PSMD1: variants seen among roughly 807,000 people sequenced by gnomAD.
PSMD1 encodes proteasome 26S subunit, non-ATPase 1.
In PSMD1, 18 loss-of-function variants were observed where a neutral mutation model predicts 119.0. The observed-to-expected ratio is 0.15, with a 90% CI of 0.10 to 0.22. The LOEUF is 0.22. Ranked by LOEUF, PSMD1 falls within the 10% of genes least tolerant of loss-of-function variation. The pLI is 1.00. For synonymous variants in PSMD1, 374 were observed against 396.6 expected (o/e 0.94, Z 0.68); for missense variants, 702 against 1,158.5 (o/e 0.61, Z 5.72).
chr2:231,065,076 C>A (rs775495119), intron 4 of PSMD1, among the ~76,000 whole-genome samples: 10 of 147,886 alleles, frequency 6.8e-5, no homozygotes, highest in Non-Finnish European at 1.2e-4. Flanking sequence ...CCCATTTAAC[C>A]CGGGTCATCT....
In PSMD1 at chr2:231,135,472, A is replaced by G. The variant is rs538585376; in HGVS notation, c.1884-3264A>G. On this transcript the variant is annotated intron_variant, in intron 16 of 24. Transcript: ENST00000308696. ...GAACATTGTCTAAATTGGCCCAACT[A>G]TTTAGAGACAAAACAGGAACTAGAA... Among the ~76,000 whole-genome samples, 3 of 152,302 alleles carry G rather than the reference A, an allele frequency of 2.0e-5. No homozygotes were observed. The East Asian group carries it at 5.8e-4, about 29-fold the overall frequency.
At chr2:231,159,501 T>TA (rs1696584429) in intron 19 of PSMD1, among the ~76,000 whole-genome samples, 1 of 152,348 alleles carries the variant, frequency 6.6e-6, no homozygotes, top group East Asian at 1.9e-4. Flanking sequence ...ACACCCCCAG[T>TA]AACAAGCTCC....
rs369553594 is a variant in PSMD1 at position 231,133,182 on chromosome 2, A to G, written c.1884-5554A>G. 5.3e-5 allele frequency among the ~76,000 whole-genome samples: 8 copies of G among 152,200 alleles called. No individual in the cohort carries two copies. The East Asian group carries it at 1.5e-3, about 29-fold the overall frequency. On this transcript the variant is annotated intron_variant, in intron 16 of 24. Coordinates refer to ENST00000308696, the MANE Select transcript of PSMD1 (RefSeq NM_002807.4). ...GACAGATATATTCTTTTTTTGAGAC[A>G]GTGTCTCACTCTGTCGCCCAGCCTC...
intron 16 of PSMD1, among the ~76,000 whole-genome samples, chr2:231,127,653 G>A (rs964621361): frequency 2.0e-5 from 3 of 152,178 alleles, no homozygotes; most frequent in East Asian, 1.9e-4. Flanking sequence ...CGCACCCCAC[G>A]CCCTTTGACA....
intron 16 of PSMD1, chr2:231,108,551 C>T: frequency 6.2e-7 from 1 of 1,613,888 alleles, no homozygotes; most frequent in East Asian, 2.2e-5. Flanking sequence ...AGTTTTGTCA[C>T]CTTCATTTTC....
At chr2:231,163,548 T>G (rs534042543) in intron 20 of PSMD1, 87 bp from the exon 21 acceptor site, 232 of 899,446 alleles carry the variant, frequency 2.6e-4, no homozygotes, top group Non-Finnish European at 3.7e-4. Flanking sequence ...CAGCCTGCAT[T>G]AAAACTTTGG....
intron 16 of PSMD1, among the ~76,000 whole-genome samples, chr2:231,106,406 G>A (rs948950846): frequency 3.9e-5 from 6 of 152,106 alleles, no homozygotes; most frequent in South Asian, 2.1e-4. Flanking sequence ...ATAGCTTGGG[G>A]CCAGGAGTGG....
Position 231,056,894 on chromosome 2 carries a change from T to A in PSMD1, c.-132T>A, listed in dbSNP as rs999029237. The A allele has an allele frequency of 6.3e-6, 8 of 1,268,038 alleles. No individual in the cohort carries two copies. Among genetic ancestry groups the A allele is most frequent in the Non-Finnish European group, 7.7e-6 (7 of 912,438 alleles). 78.5% of individuals were successfully genotyped at this position (1,268,038 alleles called of 1,614,324 possible). A position where few individuals can be genotyped will look rare whatever the true frequency, so the allele number is the denominator to read the frequency against. On this transcript the variant is annotated 5_prime_UTR_variant, in exon 1 of 25. Transcript: ENST00000308696. ...CCTGGCGAGAAGCGAGCCGGCGGCC[T>A]GAGGAGGCGACTGACTGAGCAGCGC...
chr2:231,157,506 A>G (rs997759272), intron 19 of PSMD1, among the ~76,000 whole-genome samples: 2 of 148,698 alleles, frequency 1.3e-5, no homozygotes, highest in Admixed American at 1.3e-4. Flanking sequence ...GGACCAATCA[A>G]GTTTTGGTGC....
At chr2:231,137,516 C>T (rs773153390) in intron 16 of PSMD1, among the ~76,000 whole-genome samples, 1 of 152,024 alleles carries the variant, frequency 6.6e-6, no homozygotes, top group African/African-American at 2.4e-5. Flanking sequence ...AGGAAAGAGC[C>T]TAGTTTCTTT....
chr2:231,168,103 G>A (rs1423685528), intron 23 of PSMD1, among the ~76,000 whole-genome samples: 2 of 152,092 alleles, frequency 1.3e-5, no homozygotes, highest in Non-Finnish European at 2.9e-5. Flanking sequence ...AATTTAAAAA[G>A]AAACACAAAA....
intron 16 of PSMD1, among the ~76,000 whole-genome samples, chr2:231,100,281 A>G (rs949864453): frequency 6.6e-6 from 1 of 152,050 alleles, no homozygotes; most frequent in South Asian, 2.1e-4. Flanking sequence ...AGATGGTGCA[A>G]TGGTGAACAC....
intron 17 of PSMD1, among the ~76,000 whole-genome samples, chr2:231,145,551 A>T (rs986363832): frequency 3.9e-5 from 6 of 152,040 alleles, no homozygotes; most frequent in Non-Finnish European, 8.8e-5. Context: ...TTTTTAATAA[A>T]TTTTTAATTA....
At chr2:231,116,210 G>A (rs1353569489) in intron 16 of PSMD1, among the ~76,000 whole-genome samples, 1 of 152,140 alleles carries the variant, frequency 6.6e-6, no homozygotes, top group African/African-American at 2.4e-5. Context: ...AACAGTCTAA[G>A]TATAGTGAAA....
At position 231,170,319 on chromosome 2, in the gene PSMD1, T is replaced by G. The variant is rs1696885628; in HGVS notation, c.2716-247T>G. On this transcript the variant is annotated intron_variant, in intron 23 of 24. Transcript: ENST00000308696. The surrounding 1 kb of genome is among the most constrained non-coding windows in gnomAD (Gnocchi z 4.1). ...AAGGCCATGGCTGGGAAATAACTAT[T>G]CTTAAATTGGGATGCATCATCCAAG... 2.7e-6 allele frequency: 1 copy of G among 367,772 alleles called. No individual in the cohort carries two copies. The highest frequency in any genetic ancestry group is 4.5e-5 in the Admixed American group (1 of 22,176). The allele number at this position is 367,772 out of a possible 1,614,324, so 22.8% of individuals were successfully genotyped here. A position where few individuals can be genotyped will look rare whatever the true frequency, so the allele number is the denominator to read the frequency against.
chr2:231,165,702 C>G (rs771212428), intron 22 of PSMD1, among the ~76,000 whole-genome samples, 169 bp from the exon 23 acceptor site: 1 of 152,134 alleles, frequency 6.6e-6, no homozygotes, highest in Non-Finnish European at 1.5e-5. Flanking sequence ...CATTCCTAAG[C>G]AGAGTTACTT....
chr2:231,132,163 A>G (rs1695870017), intron 16 of PSMD1, among the ~76,000 whole-genome samples: 1 of 152,246 alleles, frequency 6.6e-6, no homozygotes. Flanking sequence ...TCTAACTTCT[A>G]TCCCCTTTCA....
intron 19 of PSMD1, among the ~76,000 whole-genome samples, chr2:231,157,491 C>G (rs1432364535): frequency 1.5e-5 from 2 of 136,458 alleles, no homozygotes; most frequent in African/African-American, 5.4e-5. Flanking sequence ...ATCTGTTTGT[C>G]TCGTGGACCA....
intron 8 of PSMD1, among the ~76,000 whole-genome samples, chr2:231,076,055 GT>G (rs1259910180): frequency 1.3e-5 from 2 of 152,154 alleles, no homozygotes; most frequent in East Asian, 1.9e-4. Context: ...AAAGATTAAA[GT>G]TTTAAAAATT....
Sources: gnomAD v4.1 joint callset for allele counts (sites outside exome capture counted in the v4.1 genomes callset) on GRCh38, gnomAD v4.1.1 for gene constraint, Gnocchi (gnomAD v3.1) non-coding constraint, MANE v1.5 for transcripts, NCBI Gene and HGNC (gene_info 2026-07-23, HGNC 2026-07-21) for gene names.